Variants in ZNF423 observed in about 807,000 individuals in gnomAD.
ZNF423 encodes zinc finger protein 423.
Under a neutral mutation model 95.8 loss-of-function variants are expected in ZNF423, and 12 were observed. The ratio of observed to expected loss-of-function variants is 0.13; its 90% confidence interval spans 0.08 to 0.20. The LOEUF (loss-of-function observed/expected upper bound fraction) is 0.20, where lower values mean the gene tolerates loss of function less well. ZNF423 is among the 10% of genes least tolerant of loss of function. ZNF423 has a pLI of 1.00. For missense variants in ZNF423, 1,316 were observed against 1,737.1 expected, an observed-to-expected ratio of 0.76 and a Z score of 4.31; for synonymous variants, 749 against 711.9, an observed-to-expected ratio of 1.05 and a Z score of -0.83.
chr16:49,552,345 T>C (rs1332591425), intron 5 of ZNF423, among the ~76,000 whole-genome samples: 2 of 152,154 alleles, frequency 1.3e-5, no homozygotes, highest in East Asian at 1.9e-4. Flanking sequence ...AACTCTCTTA[T>C]ACTTGATGCC....
intron 3 of ZNF423, among the ~76,000 whole-genome samples, chr16:49,663,325 C>A (rs1200904226): frequency 6.6e-6 from 1 of 152,200 alleles, no homozygotes; most frequent in Non-Finnish European, 1.5e-5. Flanking sequence ...AAGAAACTCA[C>A]CAGCCTCTTC....
chr16:49,580,734 G>C (rs1482810041), intron 5 of ZNF423, among the ~76,000 whole-genome samples: 3 of 152,156 alleles, frequency 2.0e-5, no homozygotes, highest in Non-Finnish European at 4.4e-5. Context: ...CCCCGAGAAG[G>C]CCCCAGAGAT....
At chr16:49,624,489 G>A (rs1420795735) in intron 5 of ZNF423, among the ~76,000 whole-genome samples, 2 of 152,188 alleles carry the variant, frequency 1.3e-5, no homozygotes, top group African/African-American at 4.8e-5. Context: ...CGAGGCGGAG[G>A]TTGCAGTGGG....
chr16:49,655,386 TGA>T (rs757919139), intron 3 of ZNF423, among the ~76,000 whole-genome samples: 42 of 152,148 alleles, frequency 2.8e-4, no homozygotes, highest in Non-Finnish European at 4.7e-4. Context: ...TGCGAATGAC[TGA>T]GAGTTAAACA....
chr16:49,543,111 C>T (rs1201820479), intron 5 of ZNF423, among the ~76,000 whole-genome samples: 1 of 152,162 alleles, frequency 6.6e-6, no homozygotes, highest in Non-Finnish European at 1.5e-5. Flanking sequence ...ATAATCAGCA[C>T]TCCAATAAGC....
intron 5 of ZNF423, among the ~76,000 whole-genome samples, chr16:49,551,354 C>CAGCATA (rs2151753545): frequency 6.6e-6 from 1 of 152,344 alleles, no homozygotes; most frequent in South Asian, 2.1e-4. Flanking sequence ...TGGTTCCTAT[C>CAGCATA]AGCATCTCAA....
At chr16:49,521,937 C>T (rs1198915581) in intron 7 of ZNF423, among the ~76,000 whole-genome samples, 3 of 152,214 alleles carry the variant, frequency 2.0e-5, no homozygotes, top group African/African-American at 4.8e-5. Flanking sequence ...GACAGGCGGG[C>T]CCAGGCCTGG....
At chr16:49,585,050 AG>A (rs1970783967) in intron 5 of ZNF423, among the ~76,000 whole-genome samples, 1 of 152,136 alleles carries the variant, frequency 6.6e-6, no homozygotes, top group Non-Finnish European at 1.5e-5. Context: ...AAGGGTCAGA[AG>A]TGCTCATGAA....
At chr16:49,582,751 T>C (rs1330577235) in intron 5 of ZNF423, among the ~76,000 whole-genome samples, 1 of 152,110 alleles carries the variant, frequency 6.6e-6, no homozygotes, top group Non-Finnish European at 1.5e-5. Flanking sequence ...TTTCCACAAA[T>C]ATGCATTACT....
At chr16:49,563,030 A>C (rs1018267117) in intron 5 of ZNF423, among the ~76,000 whole-genome samples, 1 of 152,100 alleles carries the variant, frequency 6.6e-6, no homozygotes, top group African/African-American at 2.4e-5. Flanking sequence ...TGATCCACCC[A>C]CCTTGGCCTC....
intron 3 of ZNF423, among the ~76,000 whole-genome samples, chr16:49,712,355 A>G (rs947735753): frequency 7.9e-5 from 12 of 152,190 alleles, no homozygotes; most frequent in Non-Finnish European, 1.2e-4. Flanking sequence ...TGTGAAGAGG[A>G]GAAAAAAAGC....
intron 5 of ZNF423, among the ~76,000 whole-genome samples, chr16:49,560,972 A>G (rs1969998673): frequency 6.6e-6 from 1 of 152,206 alleles, no homozygotes; most frequent in Admixed American, 6.5e-5. Context: ...TGTACATGCA[A>G]ATTCACTAAA....
intron 3 of ZNF423, among the ~76,000 whole-genome samples, chr16:49,665,899 G>T (rs1423000709): frequency 6.6e-6 from 1 of 152,180 alleles, no homozygotes; most frequent in South Asian, 2.1e-4. Context: ...CAAGAAAAGG[G>T]CATGGAAAGG....
intron 7 of ZNF423, among the ~76,000 whole-genome samples, chr16:49,512,069 T>A (rs1305072541): frequency 6.6e-6 from 1 of 152,182 alleles, no homozygotes; most frequent in Admixed American, 6.5e-5. Flanking sequence ...CATCACATTA[T>A]ATTATATTCC....
chr16:49,807,763 G>A (rs1345172919), intron 1 of ZNF423, among the ~76,000 whole-genome samples: 3 of 152,170 alleles, frequency 2.0e-5, no homozygotes, highest in Admixed American at 1.3e-4. Context: ...GCCATCCCAA[G>A]ACAACCCCAA....
intron 1 of ZNF423, among the ~76,000 whole-genome samples, chr16:49,838,954 AGG>A (rs2035152500): frequency 6.6e-6 from 1 of 151,528 alleles, no homozygotes; most frequent in African/African-American, 2.4e-5. Context: ...AGGGCCCGGG[AGG>A]GGCTGCGTTC....
intron 1 of ZNF423, among the ~76,000 whole-genome samples, chr16:49,801,105 A>G (rs1374402573): frequency 2.0e-5 from 3 of 152,242 alleles, no homozygotes; most frequent in Admixed American, 6.5e-5. Flanking sequence ...CTTCTAAAAC[A>G]GTCCCTCGCA....
At position 49,767,842 on chromosome 16, in the gene ZNF423, C is replaced by T. The variant is rs2033957232; in HGVS notation, c.100+21645G>A. 2.6e-5 allele frequency among the ~76,000 whole-genome samples: 4 copies of T among 152,158 alleles called. No homozygotes were observed. In the South Asian group the frequency reaches 8.3e-4, roughly 32 times the overall value. ...CTGCCTGCCAGCCTGACACTTGGGCCTTTGTATTTTATTGCTAATTAATTT... is the reference window on the plus strand; with the variant it reads ...CTGCCTGCCAGCCTGACACTTGGGCTTTTGTATTTTATTGCTAATTAATTT... On this transcript the variant is annotated intron_variant, in intron 2 of 7. Transcript: ENST00000563137.
chr16:49,586,649 G>C (rs374861732), intron 5 of ZNF423, among the ~76,000 whole-genome samples: 1 of 152,252 alleles, frequency 6.6e-6, no homozygotes, highest in Non-Finnish European at 1.5e-5. Flanking sequence ...CGAATGTGGC[G>C]TGTGGATCAC....
Sources: gnomAD v4.1 joint callset for allele counts (sites outside exome capture counted in the v4.1 genomes callset) on GRCh38, gnomAD v4.1.1 for gene constraint, MANE v1.5 for transcripts, NCBI Gene and HGNC (gene_info 2026-07-23, HGNC 2026-07-21) for gene names.